The following FGF14 variants were observed in gnomAD, a reference collection of about 807,000 sequenced individuals.
FGF14 encodes fibroblast growth factor 14.
A neutral mutation model predicts 25.5 loss-of-function variants in FGF14; 5 were observed. The observed-to-expected ratio is 0.20, with a 90% CI of 0.10 to 0.41. The LOEUF (loss-of-function observed/expected upper bound fraction) is 0.41, where lower values mean the gene tolerates loss of function less well. FGF14 is among the 10% of genes least tolerant of loss of function. The pLI is 1.00. For synonymous variants in FGF14, 138 were observed against 118.3 expected, an observed-to-expected ratio of 1.17 and a Z score of -1.08; for missense variants, 222 against 320.1, an observed-to-expected ratio of 0.69 and a Z score of 2.34.
At chr13:101,937,297 G>T (rs892331407) in intron 1 of FGF14, among the ~76,000 whole-genome samples, 2 of 152,186 alleles carry the variant, frequency 1.3e-5, no homozygotes, top group Admixed American at 6.5e-5. Flanking sequence ...ATATGTTGAA[G>T]ACCTAACCCC....
At chr13:101,806,684 T>C (rs1221653891) in intron 3 of FGF14, among the ~76,000 whole-genome samples, 4 of 152,120 alleles carry the variant, frequency 2.6e-5, no homozygotes, top group South Asian at 4.1e-4. Context: ...AATTGTGCTA[T>C]AGTATCCTGA....
At chr13:102,057,989 T>C (rs1268289555) in intron 1 of FGF14, among the ~76,000 whole-genome samples, 2 of 152,224 alleles carry the variant, frequency 1.3e-5, no homozygotes, top group East Asian at 3.9e-4. Context: ...ATTATTGTTG[T>C]GTCTCAACCA....
At chr13:102,190,583 G>A (rs2049081516) in intron 1 of FGF14, among the ~76,000 whole-genome samples, 1 of 152,138 alleles carries the variant, frequency 6.6e-6, no homozygotes. Flanking sequence ...TTGGATCTGG[G>A]TGTGAGATCA....
Position 101,721,474 on chromosome 13 carries a change from A to T in FGF14, c.*1357T>A, listed in dbSNP as rs1342450860. On this transcript the variant is annotated 3_prime_UTR_variant, in exon 5 of 5. Coordinates refer to ENST00000376143, the MANE Select transcript of FGF14 (RefSeq NM_004115.4). ...CATCTAGGATAATTCAACAGACTGT[A>T]TTCTGAGATCATGGCAAGGCACCTC... 6.6e-6 allele frequency: 1 copy of T among 152,114 alleles called. No homozygotes were observed. Among genetic ancestry groups the T allele is most frequent in the Non-Finnish European group, 1.5e-5 (1 of 68,012 alleles). The allele number at this position is 152,114 out of a possible 1,614,324, so 9.4% of individuals were successfully genotyped here.
intron 1 of FGF14, among the ~76,000 whole-genome samples, chr13:102,053,147 G>A (rs1196783112): frequency 1.3e-5 from 2 of 151,928 alleles, no homozygotes; most frequent in Admixed American, 6.6e-5. Flanking sequence ...AAGGAACAAA[G>A]GATCTATAAA....
chr13:102,015,627 T>C (rs2040300055), intron 1 of FGF14, among the ~76,000 whole-genome samples: 1 of 152,156 alleles, frequency 6.6e-6, no homozygotes, highest in Non-Finnish European at 1.5e-5. Context: ...CCATCAAACA[T>C]GGAGGCAATG....
chr13:102,370,772 A>G (rs1452702968), intron 1 of FGF14, among the ~76,000 whole-genome samples: 1 of 152,170 alleles, frequency 6.6e-6, no homozygotes, highest in Non-Finnish European at 1.5e-5. Context: ...CACCCATCTT[A>G]AACATTTTGT....
chr13:101,924,885 A>G (rs2034261067), intron 1 of FGF14, among the ~76,000 whole-genome samples: 1 of 152,182 alleles, frequency 6.6e-6, no homozygotes, highest in Non-Finnish European at 1.5e-5. Context: ...CCAGTGTAGA[A>G]TAAGAACTCT....
intron 1 of FGF14, among the ~76,000 whole-genome samples, chr13:102,155,659 G>C (rs1412966770): frequency 6.6e-6 from 1 of 152,004 alleles, no homozygotes; most frequent in African/African-American, 2.4e-5. Flanking sequence ...AAATAACTAA[G>C]ATCAGAGCAG....
chr13:101,777,195 T>C (rs2039176741), intron 3 of FGF14, among the ~76,000 whole-genome samples: 1 of 152,164 alleles, frequency 6.6e-6, no homozygotes, highest in Non-Finnish European at 1.5e-5. Context: ...AGGTATTTAG[T>C]ATTTGTCTTA....
At chr13:102,002,462 G>A (rs9518611) in intron 1 of FGF14, 74,945 of 156,126 alleles carry the variant, frequency 0.48, 20,634 homozygotes, top group African/African-American at 0.74. Context: ...GATATGGATA[G>A]TATCAAGTTG....
intron 1 of FGF14, among the ~76,000 whole-genome samples, chr13:101,940,147 G>C (rs903248115): frequency 1.3e-5 from 2 of 152,196 alleles, no homozygotes; most frequent in African/African-American, 2.4e-5. Flanking sequence ...ATCCCTAGTT[G>C]TATCCATGCC....
At chr13:102,381,156 C>T (rs974723343) in intron 1 of FGF14, among the ~76,000 whole-genome samples, 2 of 152,166 alleles carry the variant, frequency 1.3e-5, no homozygotes, top group African/African-American at 4.8e-5. Flanking sequence ...AGTCTGAATG[C>T]ATATTGCTTT....
At chr13:101,884,295 G>A (rs1439619220) in intron 1 of FGF14, among the ~76,000 whole-genome samples, 6 of 151,986 alleles carry the variant, frequency 3.9e-5, no homozygotes, top group African/African-American at 1.4e-4. Flanking sequence ...GATGAGAGGA[G>A]AGTGACAGAC....
intron 2 of FGF14, among the ~76,000 whole-genome samples, chr13:101,872,966 G>C (rs920458105): frequency 2.0e-5 from 3 of 151,822 alleles, no homozygotes; most frequent in African/African-American, 7.3e-5. Flanking sequence ...CTAGCATTTA[G>C]AGTGTCAGAA....
chr13:101,961,910 A>G (rs1566499517), intron 1 of FGF14, among the ~76,000 whole-genome samples: 1 of 152,086 alleles, frequency 6.6e-6, no homozygotes, highest in Admixed American at 6.6e-5. Flanking sequence ...GAATGGACTA[A>G]TACAGTCTAT....
chr13:102,163,091 T>C (rs1444698426), intron 1 of FGF14, among the ~76,000 whole-genome samples: 1 of 152,196 alleles, frequency 6.6e-6, no homozygotes, highest in Non-Finnish European at 1.5e-5. Flanking sequence ...TATTTGATTT[T>C]CTGTTTTAAA....
At chr13:101,938,684 T>A (rs1193835049) in intron 1 of FGF14, among the ~76,000 whole-genome samples, 2 of 152,218 alleles carry the variant, frequency 1.3e-5, no homozygotes, top group African/African-American at 4.8e-5. Flanking sequence ...AAAATATAAT[T>A]GTTATCCTCA....
At chr13:101,952,629 G>T (rs2036244725) in intron 1 of FGF14, among the ~76,000 whole-genome samples, 1 of 151,984 alleles carries the variant, frequency 6.6e-6, no homozygotes, top group South Asian at 2.1e-4. Flanking sequence ...CCCTGACATG[G>T]CAAAGAACAG....
Sources: gnomAD v4.1 joint callset for allele counts (sites outside exome capture counted in the v4.1 genomes callset) on GRCh38, gnomAD v4.1.1 for gene constraint, MANE v1.5 for transcripts, NCBI Gene and HGNC (gene_info 2026-07-23, HGNC 2026-07-21) for gene names.